Variants in ZDHHC3 observed in about 807,000 individuals in gnomAD.
The protein encoded by ZDHHC3 is palmitoyltransferase ZDHHC3.
A neutral mutation model predicts 30.6 loss-of-function variants in ZDHHC3; 9 were observed. The ratio of observed to expected loss-of-function variants is 0.29; its 90% CI spans 0.18 to 0.51. The LOEUF is 0.51. Among genes scored for constraint, ZDHHC3 ranks in the 20% least tolerant of loss-of-function variants. ZDHHC3 has a pLI of 0.97. For synonymous variants in ZDHHC3, 136 were observed against 140.2 expected (o/e 0.97, Z 0.21); for missense variants, 246 against 384.2 (o/e 0.64, Z 3.01).
Position 44,922,768 on chromosome 3 carries a change from C to A in ZDHHC3, c.*3921G>T. On this transcript the variant is annotated 3_prime_UTR_variant, in exon 7 of 7. Coordinates refer to ENST00000424952, the MANE Select transcript of ZDHHC3 (RefSeq NM_001135179.2). ...TGGTTCGGTAGCCTGGGGTGGGGAC[C>A]GAGAATGTGCATTTCTAACAAGTTC... The A allele has an allele frequency of 1.0e-6, 1 of 984,822 alleles. No individual in the cohort carries two copies. The allele number at this position is 984,822 out of a possible 1,614,324, so 61.0% of individuals were successfully genotyped here. A position where few individuals can be genotyped will look rare whatever the true frequency, so the allele number is the denominator to read the frequency against.
At chr3:44,937,208 G>A (rs939725829) in intron 3 of ZDHHC3, among the ~76,000 whole-genome samples, 1 of 152,116 alleles carries the variant, frequency 6.6e-6, no homozygotes, top group Non-Finnish European at 1.5e-5. Flanking sequence ...ACTCTGGGAG[G>A]CCGAGGCAGG....
At position 44,929,316 on chromosome 3, in the gene ZDHHC3, G is replaced by A; in HGVS notation, c.731C>T (p.Thr244Ile). 2 of 1,614,002 alleles carry A rather than the reference G, an allele frequency of 1.2e-6. No individual in the cohort carries two copies. The highest frequency in any genetic ancestry group is 1.7e-6 in the Non-Finnish European group (2 of 1,179,966). Residue 244 changes from threonine (T) to isoleucine (I), a missense_variant, in exon 6 of 7, where the codon ACA (threonine) becomes ATA (isoleucine). Thr to Ile is a moderately conservative substitution (Grantham distance 89). Transcript: ENST00000424952. ...GAGCCACCTGCTTACCGTCTCATCT[G>A]TGCAGATGGAGTGCACCTGGGTCCC... Reference protein sequence around the residue: ...MFGTQVHSICTDETGIEQLKK... With the variant: ...MFGTQVHSICIDETGIEQLKK...
rs1700876675 is a variant in ZDHHC3, at chr3:44,925,109, A to C, written c.*1580T>G. 1.0e-6 allele frequency: 1 copy of C among 985,910 alleles called. No individual in the cohort carries two copies. Among genetic ancestry groups the C allele is most frequent in the Non-Finnish European group, 1.2e-6 (1 of 829,942 alleles). The allele number at this position is 985,910 out of a possible 1,614,324, so 61.1% of individuals were successfully genotyped here. ...ACACCCAACCAGAGAAAACTCAAGT[A>C]GATTGTGGATAGTCGGCCTCCCACT... On this transcript the variant is annotated 3_prime_UTR_variant, in exon 7 of 7. Transcript: ENST00000424952.
In ZDHHC3 at chr3:44,926,628, G is replaced by C. The variant is rs1701014610; in HGVS notation, c.*61C>G. The stretch of plus-strand genomic sequence containing the variant: ...TTCGATTTAAACATTCATGAGAACG[G>C]ATGGGACGGTAGTGCTGTGGTGTGG... On this transcript the variant is annotated 3_prime_UTR_variant, in exon 7 of 7. Coordinates refer to ENST00000424952, the MANE Select transcript of ZDHHC3 (RefSeq NM_001135179.2). 1.4e-6 allele frequency: 2 copies of C among 1,428,406 alleles called. No individual in the cohort carries two copies. The highest frequency in any genetic ancestry group is 1.8e-6 in the Non-Finnish European group (2 of 1,086,036). The allele number at this position is 1,428,406 out of a possible 1,614,324, so 88.5% of individuals were successfully genotyped here. A position where few individuals can be genotyped will look rare whatever the true frequency, so the allele number is the denominator to read the frequency against.
chr3:44,926,527 CTT>C lies in ZDHHC3; in HGVS notation c.*160_*161del. ...GTTTTTAAAAAATAAAATGTGGGGA[CTT>C]TTTTTTTTCTCTGCAATGCTCAGCC... On this transcript the variant is annotated 3_prime_UTR_variant, in exon 7 of 7. Coordinates refer to ENST00000424952, the MANE Select transcript of ZDHHC3 (RefSeq NM_001135179.2). 2.5e-6 allele frequency: 3 copies of C among 1,205,378 alleles called. No individual in the cohort carries two copies. The highest frequency in any genetic ancestry group is 3.6e-5 in the South Asian group (1 of 27,704). 74.7% of individuals were successfully genotyped at this position (1,205,378 alleles called of 1,614,324 possible). A position where few individuals can be genotyped will look rare whatever the true frequency, so the allele number is the denominator to read the frequency against.
At chr3:44,940,525 A>AC (rs1702351183) in intron 3 of ZDHHC3, among the ~76,000 whole-genome samples, 1 of 152,192 alleles carries the variant, frequency 6.6e-6, no homozygotes, top group Non-Finnish European at 1.5e-5. Flanking sequence ...GAGACGCTGT[A>AC]AGCTGGTGAG....
Position 44,924,237 on chromosome 3 carries a change from G to C in ZDHHC3, c.*2452C>G, listed in dbSNP as rs1559647256. ...TCCGGAAATACTGAGGAGAGCTCAG[G>C]GATGCTTTCCCTTCCTGTCCTGTGT... is the stretch of plus-strand genomic sequence containing the variant. On this transcript the variant is annotated 3_prime_UTR_variant, in exon 7 of 7. Coordinates refer to ENST00000424952, the MANE Select transcript of ZDHHC3 (RefSeq NM_001135179.2). 2 of 985,288 alleles carry C rather than the reference G, an allele frequency of 2.0e-6. No individual in the cohort carries two copies. The highest frequency in any genetic ancestry group is 6.2e-5 in the Admixed American group (1 of 16,260). 61.0% of individuals were successfully genotyped at this position (985,288 alleles called of 1,614,324 possible). A position where few individuals can be genotyped will look rare whatever the true frequency, so the allele number is the denominator to read the frequency against.
rs762844722 is a variant in ZDHHC3, at chr3:44,926,281, G to A, written c.*408C>T. The A allele has an allele frequency of 2.0e-5, 20 of 988,850 alleles. No individual in the cohort carries two copies. Among genetic ancestry groups the A allele is most frequent in the Non-Finnish European group, 2.2e-5 (18 of 832,322 alleles). The allele number at this position is 988,850 out of a possible 1,614,324, so 61.3% of individuals were successfully genotyped here. Reference sequence around the variant, plus strand: ...CTGCCTCCTGGGCAGTGGGAGGTCAGGGCCCTCCTGGCTTTCCCATGCATC... The same window carrying A: ...CTGCCTCCTGGGCAGTGGGAGGTCAAGGCCCTCCTGGCTTTCCCATGCATC... On this transcript the variant is annotated 3_prime_UTR_variant, in exon 7 of 7. Coordinates refer to ENST00000424952, the MANE Select transcript of ZDHHC3 (RefSeq NM_001135179.2).
rs1398378631 is a variant in ZDHHC3, at chr3:44,920,291, T to C, written c.*6398A>G. 1 of 1,289,890 alleles carries C rather than the reference T, an allele frequency of 7.8e-7. No homozygotes were observed. Among genetic ancestry groups the C allele is most frequent in the Non-Finnish European group, 1.0e-6 (1 of 988,892 alleles). The allele number at this position is 1,289,890 out of a possible 1,614,324, so 79.9% of individuals were successfully genotyped here. A position where few individuals can be genotyped will look rare whatever the true frequency, so the allele number is the denominator to read the frequency against. Reference sequence around the variant, plus strand: ...CAGAAGCAGTGACCAGCTGAGATGGTTTGCTTTGGGCATTCTGCATTCTCT... The same window carrying C: ...CAGAAGCAGTGACCAGCTGAGATGGCTTGCTTTGGGCATTCTGCATTCTCT... On this transcript the variant is annotated 3_prime_UTR_variant, in exon 7 of 7. Coordinates refer to ENST00000424952, the MANE Select transcript of ZDHHC3 (RefSeq NM_001135179.2).
Position 44,922,926 on chromosome 3 carries a change from C to T in ZDHHC3, c.*3763G>A, listed in dbSNP as rs1700705360. ...CACCTTCTAGGTGGGGCGCCTTCCC[C>T]TCTACTGGCTGGCTCACCCTTTAAG... On this transcript the variant is annotated 3_prime_UTR_variant, in exon 7 of 7. Transcript: ENST00000424952. The T allele has an allele frequency of 1.0e-6, 1 of 985,272 alleles. No individual in the cohort carries two copies. The highest frequency in any genetic ancestry group is 1.2e-6 in the Non-Finnish European group (1 of 829,898). 61.0% of individuals were successfully genotyped at this position (985,272 alleles called of 1,614,324 possible). A position where few individuals can be genotyped will look rare whatever the true frequency, so the allele number is the denominator to read the frequency against.
chr3:44,920,911 C>T lies in ZDHHC3; in HGVS notation c.*5778G>A, dbSNP rs1700545170. ...TAGAAAGAAAATATTGCAAACAAATCCGATGTATAAAAATGGGCTGAGGGC... is the reference window on the plus strand; with the variant it reads ...TAGAAAGAAAATATTGCAAACAAATTCGATGTATAAAAATGGGCTGAGGGC... On this transcript the variant is annotated 3_prime_UTR_variant, in exon 7 of 7. Coordinates refer to ENST00000424952, the MANE Select transcript of ZDHHC3 (RefSeq NM_001135179.2). 1 of 985,350 alleles carries T rather than the reference C, an allele frequency of 1.0e-6. No individual in the cohort carries two copies. Among genetic ancestry groups the T allele is most frequent in the Non-Finnish European group, 1.2e-6 (1 of 829,930 alleles). The allele number at this position is 985,350 out of a possible 1,614,324, so 61.0% of individuals were successfully genotyped here.
chr3:44,958,469 G>T (rs1704151363), intron 2 of ZDHHC3: 1 of 872,592 alleles, frequency 1.1e-6, no homozygotes. Context: ...TACAAGAAAA[G>T]GAACAGAACA....
At position 44,923,115 on chromosome 3, in the gene ZDHHC3, G is replaced by T. The variant is rs1277039351; in HGVS notation, c.*3574C>A. 30 of 971,836 alleles carry T rather than the reference G, an allele frequency of 3.1e-5. No individual in the cohort carries two copies. Among genetic ancestry groups the T allele is most frequent in the Non-Finnish European group, 3.6e-5 (30 of 823,084 alleles). The allele number at this position is 971,836 out of a possible 1,614,324, so 60.2% of individuals were successfully genotyped here. Reference sequence around the variant, plus strand: ...TTTTGAGACGGAGTCTCACTCTGTCGCCCAGGCTGGAGTGCAGTGGTGCGA... The same window carrying T: ...TTTTGAGACGGAGTCTCACTCTGTCTCCCAGGCTGGAGTGCAGTGGTGCGA... On this transcript the variant is annotated 3_prime_UTR_variant, in exon 7 of 7. Coordinates refer to ENST00000424952, the MANE Select transcript of ZDHHC3 (RefSeq NM_001135179.2).
In ZDHHC3 at chr3:44,959,058, A is replaced by G. The variant is rs1704218369; in HGVS notation, c.306+73T>C. On this transcript the variant is annotated intron_variant, in intron 2 of 6. Transcript: ENST00000424952. This position sits in a 1 kb window ranked among gnomAD's most constrained non-coding sequence, Gnocchi z 4.3. ...CAAGTTCCCAAGGTCCAGGGGGAAC[A>G]TGCAGGCTGTGGCCATGCCAGAGCC... 4 of 1,555,096 alleles carry G rather than the reference A, an allele frequency of 2.6e-6. No individual in the cohort carries two copies. Among genetic ancestry groups the G allele is most frequent in the Non-Finnish European group, 3.5e-6 (4 of 1,138,162 alleles).
intron 2 of ZDHHC3, among the ~76,000 whole-genome samples, chr3:44,946,037 T>C (rs939821096): frequency 6.6e-6 from 1 of 152,230 alleles, no homozygotes. Context: ...CCTTTCTAAG[T>C]TTCACTGGTG....
chr3:44,932,662 A>G (rs569064117), intron 5 of ZDHHC3, among the ~76,000 whole-genome samples: 33 of 152,380 alleles, frequency 2.2e-4, no homozygotes, highest in African/African-American at 7.9e-4. Flanking sequence ...AAAAAACACC[A>G]TCACAAAAAC....
Position 44,926,076 on chromosome 3 carries a change from C to CT in ZDHHC3, c.*612_*613insA. On this transcript the variant is annotated 3_prime_UTR_variant, in exon 7 of 7. Transcript: ENST00000424952. ...CCCACTCCCCCGCAAAATCATTCTA[C>CT]ACACCCCAAGCCCATAAAGTACAAG... The CT allele has an allele frequency of 1.0e-6, 1 of 985,892 alleles. No homozygotes were observed. Among genetic ancestry groups the CT allele is most frequent in the Non-Finnish European group, 1.2e-6 (1 of 829,950 alleles). 61.1% of individuals were successfully genotyped at this position (985,892 alleles called of 1,614,324 possible).
chr3:44,973,580 T>A (rs1056735140), intron 1 of ZDHHC3, among the ~76,000 whole-genome samples: 11 of 152,172 alleles, frequency 7.2e-5, no homozygotes, highest in Non-Finnish European at 1.5e-4. Flanking sequence ...TGCCTCAGCC[T>A]CCCGAGTAGC....
rs963902391 is a variant in ZDHHC3, at chr3:44,918,237, G to T, written c.*8452C>A. ...CCAGCTATAGCATAGCAGTGGCGGG[G>T]GGGGGGGCGGGGTGTCCACGGCATG... On this transcript the variant is annotated 3_prime_UTR_variant, in exon 7 of 7. Coordinates refer to ENST00000424952, the MANE Select transcript of ZDHHC3 (RefSeq NM_001135179.2). 1.7e-5 allele frequency: 21 copies of T among 1,211,508 alleles called. No homozygotes were observed. Among genetic ancestry groups the T allele is most frequent in the South Asian group, 5.9e-5 (4 of 68,266 alleles). The allele number at this position is 1,211,508 out of a possible 1,614,324, so 75.0% of individuals were successfully genotyped here.
Sources: gnomAD v4.1 joint callset for allele counts (sites outside exome capture counted in the v4.1 genomes callset) on GRCh38, gnomAD v4.1.1 for gene constraint, Gnocchi (gnomAD v3.1) non-coding constraint, MANE v1.5 for transcripts, NCBI Gene and HGNC (gene_info 2026-07-23, HGNC 2026-07-21) for gene names.